The following GRID2 variants were observed in gnomAD, a reference collection of about 807,000 sequenced individuals.
The protein encoded by GRID2 is glutamate ionotropic receptor delta type subunit 2.
A neutral mutation model predicts 114.8 loss-of-function variants in GRID2; 33 were observed. The observed-to-expected ratio is 0.29, with a 90% CI of 0.22 to 0.38. GRID2 has a LOEUF of 0.38. Ranked by LOEUF, GRID2 falls within the 10% of genes least tolerant of loss-of-function variation. GRID2 has a pLI of 1.00. For missense variants in GRID2, 1,184 were observed against 1,257.7 expected (o/e 0.94, Z 0.89); for synonymous variants, 505 against 449.9 (o/e 1.12, Z -1.55).
At chr4:93,647,941 C>T (rs1454030893) in intron 14 of GRID2, among the ~76,000 whole-genome samples, 1 of 152,122 alleles carries the variant, frequency 6.6e-6, no homozygotes, top group South Asian at 2.1e-4. Flanking sequence ...CCTTATAACA[C>T]CCCAGAAGAG....
chr4:93,678,802 A>AG (rs1725193977), intron 14 of GRID2, among the ~76,000 whole-genome samples: 10 of 148,226 alleles, frequency 6.7e-5, no homozygotes, highest in African/African-American at 2.6e-4. Context: ...AGGAACAATC[A>AG]GTACCAGCCG....
At chr4:93,637,696 T>C (rs899810826) in intron 14 of GRID2, among the ~76,000 whole-genome samples, 4 of 152,148 alleles carry the variant, frequency 2.6e-5, no homozygotes, top group South Asian at 4.1e-4. Context: ...AGTAAATATA[T>C]TGAAAATTGA....
At chr4:93,791,216 AC>A (rs1023182869) in intron 1 of GRID2, among the ~76,000 whole-genome samples, 21 of 152,338 alleles carry the variant, frequency 1.4e-4, no homozygotes, top group Admixed American at 6.5e-4. Context: ...ATAAAAAAAA[AC>A]CTTTAAGACA....
At chr4:92,541,225 A>G (rs933638164) in intron 1 of GRID2, among the ~76,000 whole-genome samples, 3 of 152,046 alleles carry the variant, frequency 2.0e-5, no homozygotes, top group Non-Finnish European at 4.4e-5. Context: ...GCACACCAAC[A>G]TGGCACATGT....
At chr4:92,417,363 G>A (rs1731664577) in intron 1 of GRID2, among the ~76,000 whole-genome samples, 1 of 152,042 alleles carries the variant, frequency 6.6e-6, no homozygotes, top group African/African-American at 2.4e-5. Flanking sequence ...GTTTGACTAT[G>A]TTCCCCAAAA....
At chr4:92,623,400 T>G (rs899435557) in intron 2 of GRID2, among the ~76,000 whole-genome samples, 1 of 151,300 alleles carries the variant, frequency 6.6e-6, no homozygotes, top group Admixed American at 6.6e-5. Flanking sequence ...AAAAAATCAC[T>G]CTCTGGACTG....
At chr4:92,444,880 A>G (rs1188934903) in intron 1 of GRID2, among the ~76,000 whole-genome samples, 1 of 152,202 alleles carries the variant, frequency 6.6e-6, no homozygotes, top group Admixed American at 6.5e-5. Context: ...ACAAATAGGT[A>G]AATATTTTCT....
rs141539324 is a variant in GRID2, at chr4:92,708,052, A to G, written c.244+117766A>G. On this transcript the variant is annotated intron_variant, in intron 2 of 15. Coordinates refer to ENST00000282020, the MANE Select transcript of GRID2 (RefSeq NM_001510.4). ...GCAATGGTGAGAGACAGAGAAGGCT[A>G]TGGAAGTAAAACAGAGGAAAGTTAA... is the stretch of plus-strand genomic sequence containing the variant. 3.4e-4 allele frequency among the ~76,000 whole-genome samples: 52 copies of G among 152,300 alleles called. 1 individual carries two copies. Among genetic ancestry groups the G allele is most frequent in the Admixed American group, 1.2e-3 (18 of 15,296 alleles).
intron 1 of GRID2, among the ~76,000 whole-genome samples, chr4:92,566,101 CTA>C (rs1224111685): frequency 1.3e-5 from 2 of 151,944 alleles, no homozygotes; most frequent in Non-Finnish European, 2.9e-5. Context: ...TTTCAATAAA[CTA>C]TGTCGATATG....
intron 2 of GRID2, among the ~76,000 whole-genome samples, chr4:92,869,673 C>G (rs191246573): frequency 6.6e-6 from 1 of 152,166 alleles, no homozygotes; most frequent in Non-Finnish European, 1.5e-5. Context: ...TTATTCACCA[C>G]CTCAACCACA....
chr4:93,219,807 T>C (rs1669015723), intron 6 of GRID2, among the ~76,000 whole-genome samples: 1 of 152,126 alleles, frequency 6.6e-6, no homozygotes, highest in South Asian at 2.1e-4. Flanking sequence ...AACAGAAACA[T>C]TCTAATACTT....
intron 2 of GRID2, among the ~76,000 whole-genome samples, chr4:92,890,659 T>C (rs1746709880): frequency 6.6e-6 from 1 of 152,134 alleles, no homozygotes; most frequent in Non-Finnish European, 1.5e-5. Context: ...TTTTACACTG[T>C]TGGTGGGAGT....
intron 2 of GRID2, among the ~76,000 whole-genome samples, chr4:92,705,300 G>T (rs1734903622): frequency 6.6e-6 from 1 of 151,990 alleles, no homozygotes. Flanking sequence ...ATCAATACTT[G>T]CATATCACCA....
chr4:92,926,831 T>C (rs1301421209), intron 2 of GRID2, among the ~76,000 whole-genome samples: 2 of 151,788 alleles, frequency 1.3e-5, no homozygotes, highest in African/African-American at 2.4e-5. Flanking sequence ...ATAACATGAG[T>C]TAAGGAGCAA....
At chr4:93,659,255 A>G (rs1009578150) in intron 14 of GRID2, among the ~76,000 whole-genome samples, 1 of 152,186 alleles carries the variant, frequency 6.6e-6, no homozygotes, top group Admixed American at 6.5e-5. Flanking sequence ...GGTGATTCCC[A>G]GAATTAATTG....
chr4:93,468,659 G>A (rs1397759093), intron 11 of GRID2, among the ~76,000 whole-genome samples: 1 of 152,074 alleles, frequency 6.6e-6, no homozygotes, highest in Non-Finnish European at 1.5e-5. Flanking sequence ...GGACAGAGAG[G>A]TCCATGAGTT....
At chr4:92,767,088 G>A (rs1447010992) in intron 2 of GRID2, among the ~76,000 whole-genome samples, 3 of 152,180 alleles carry the variant, frequency 2.0e-5, no homozygotes, top group Admixed American at 1.3e-4. Flanking sequence ...GATGTAGCAC[G>A]TTCTCAATCT....
intron 2 of GRID2, among the ~76,000 whole-genome samples, chr4:92,676,810 A>G (rs747393857): frequency 5.9e-5 from 9 of 152,164 alleles, no homozygotes; most frequent in Non-Finnish European, 1.3e-4. Flanking sequence ...CCTCAAATAG[A>G]TGCTTATACA....
intron 14 of GRID2, among the ~76,000 whole-genome samples, chr4:93,728,081 G>T (rs1200562518): frequency 6.6e-6 from 1 of 151,960 alleles, no homozygotes; most frequent in African/African-American, 2.4e-5. Flanking sequence ...TGATGTTAGG[G>T]TGTCAATTTT....
Sources: allele counts gnomAD v4.1 joint callset (sites outside exome capture counted in the v4.1 genomes callset), GRCh38; gene constraint gnomAD v4.1.1; transcripts MANE v1.5; gene names NCBI Gene and HGNC (gene_info 2026-07-23, HGNC 2026-07-21).